Variants in WDHD1 observed in about 807,000 individuals in gnomAD.
WDHD1 encodes the protein WD repeat and HMG-box DNA binding protein 1, also known as WD repeat and HMG-box DNA-binding protein 1.
WDHD1 carries 111 observed loss-of-function variants against 135.4 expected under a neutral mutation model. The ratio of observed to expected loss-of-function variants is 0.82; its 90% CI spans 0.70 to 0.96. The LOEUF (loss-of-function observed/expected upper bound fraction) is 0.96. Ranked by LOEUF, WDHD1 falls within the 40% of genes least tolerant of loss-of-function variation. The pLI is 0.00. For synonymous variants in WDHD1, 434 were observed against 439.0 expected (o/e 0.99, Z 0.14); for missense variants, 1,351 against 1,336.3 (o/e 1.01, Z -0.17).
rs751142967 is a variant in WDHD1, at chr14:55,010,306, T to G, written c.341+3A>C. ...TTCCTTTTCTGATGTCAAAGAGCCT[T>G]ACCTAGATCCAGCAGCAATTTTAGT... On this transcript the variant is annotated splice_donor_region_variant and intron_variant, in intron 4 of 25. Coordinates refer to ENST00000360586, the MANE Select transcript of WDHD1 (RefSeq NM_007086.4). The G allele has an allele frequency of 6.3e-7, 1 of 1,595,452 alleles. No homozygotes were observed. Among genetic ancestry groups the G allele is most frequent in the Admixed American group, 1.8e-5 (1 of 55,642 alleles).
At chr14:54,963,386 T>G (rs1051481421) in intron 18 of WDHD1, among the ~76,000 whole-genome samples, 3 of 152,124 alleles carry the variant, frequency 2.0e-5, no homozygotes, top group Admixed American at 2.0e-4. Context: ...CATTTTTATG[T>G]CTCCATGGCT....
At chr14:54,977,262 G>C (rs193152154) in intron 16 of WDHD1, among the ~76,000 whole-genome samples, 1 of 152,118 alleles carries the variant, frequency 6.6e-6, no homozygotes, top group African/African-American at 2.4e-5. Context: ...GGGCTGCTGA[G>C]CTATTATAAA....
chr14:54,961,053 C>T (rs2041243733), intron 21 of WDHD1, among the ~76,000 whole-genome samples: 1 of 152,190 alleles, frequency 6.6e-6, no homozygotes, highest in East Asian at 1.9e-4. Flanking sequence ...GATCCTTCCA[C>T]CTTGGCCTCT....
At chr14:54,963,559 C>T (rs2041290940) in intron 18 of WDHD1, among the ~76,000 whole-genome samples, 1 of 152,092 alleles carries the variant, frequency 6.6e-6, no homozygotes, top group Non-Finnish European at 1.5e-5. Flanking sequence ...AATACCAGTG[C>T]TTTGGGAGGC....
At chr14:55,022,485 C>T (rs117314452) in intron 2 of WDHD1, among the ~76,000 whole-genome samples, 5,726 of 152,132 alleles carry the variant, frequency 0.038, 141 homozygotes, top group South Asian at 0.062. Flanking sequence ...ACCTGTTCAC[C>T]AGCCTGGCCA....
Position 54,984,706 on chromosome 14 carries a change from A to C in WDHD1, c.1906+17T>G. On this transcript the variant is annotated intron_variant, in intron 15 of 25. Coordinates refer to ENST00000360586, the MANE Select transcript of WDHD1 (RefSeq NM_007086.4). ...ACTTTATATTATACTTGTTTTTTTT[A>C]AACAAATTTATCTTGCCTTCAGCTG... 1 of 1,584,886 alleles carries C rather than the reference A, an allele frequency of 6.3e-7. No homozygotes were observed. The highest frequency in any genetic ancestry group is 8.5e-7 in the Non-Finnish European group (1 of 1,171,268).
At chr14:55,022,559 G>A (rs2042366570) in intron 2 of WDHD1, among the ~76,000 whole-genome samples, 1 of 152,030 alleles carries the variant, frequency 6.6e-6, no homozygotes, top group Non-Finnish European at 1.5e-5. Flanking sequence ...GTGTATGCCT[G>A]TAATCCCAGC....
At position 54,966,344 on chromosome 14, in the gene WDHD1, A is replaced by G. The variant is rs2041343818; in HGVS notation, c.2310+131T>C. On this transcript the variant is annotated intron_variant, in intron 18 of 25. Coordinates refer to ENST00000360586, the MANE Select transcript of WDHD1 (RefSeq NM_007086.4). ...AACGAGACTCCGTCGCACAAAAAAC[A>G]ACAACAACAACAAAAAAAAACTTAA... 2.5e-6 allele frequency: 3 copies of G among 1,211,452 alleles called. No individual in the cohort carries two copies. In the Admixed American group the frequency reaches 9.9e-5, roughly 40 times the overall value. The allele number at this position is 1,211,452 out of a possible 1,614,324, so 75.0% of individuals were successfully genotyped here.
At chr14:54,949,857 G>T (rs2041011043) in intron 24 of WDHD1, among the ~76,000 whole-genome samples, 1 of 152,182 alleles carries the variant, frequency 6.6e-6, no homozygotes, top group Non-Finnish European at 1.5e-5. Flanking sequence ...TTAAAGAAAA[G>T]AATTTTCAAC....
In WDHD1 at chr14:55,027,024, T is replaced by TC. The variant is rs1352513268; in HGVS notation, c.-17+3dup. 1 of 519,036 alleles carries TC rather than the reference T, an allele frequency of 1.9e-6. No homozygotes were observed. The highest frequency in any genetic ancestry group is 1.9e-5 in the African/African-American group (1 of 52,290). 32.2% of individuals were successfully genotyped at this position (519,036 alleles called of 1,614,324 possible). ...GGACGCGGGCAGCCGGAGTGGGGAC[T>TC]CACCCGGGTGACCGAGCCTCCGCCA... On this transcript the variant is annotated splice_donor_region_variant and intron_variant, in intron 1 of 25. Coordinates refer to ENST00000360586, the MANE Select transcript of WDHD1 (RefSeq NM_007086.4).
intron 15 of WDHD1, 67 bp downstream of exon 15, chr14:54,984,656 A>G (rs978890330): frequency 1.1e-5 from 14 of 1,289,784 alleles, no homozygotes; most frequent in Non-Finnish European, 1.3e-5. Context: ...CAATGAAATA[A>G]TTTTCTTCTT....
intron 24 of WDHD1, 142 bp downstream of exon 24, chr14:54,955,419 T>C (rs2041136294): frequency 3.1e-6 from 2 of 640,496 alleles, no homozygotes; most frequent in African/African-American, 1.9e-5. Context: ...GGCTTCCTTA[T>C]AGTCACAAGT....
intron 16 of WDHD1, among the ~76,000 whole-genome samples, chr14:54,979,852 C>T (rs1241571570): frequency 1.3e-5 from 2 of 152,154 alleles, no homozygotes; most frequent in Non-Finnish European, 2.9e-5. Context: ...AAAGCAAATA[C>T]AATTACATAT....
chr14:54,949,092 C>T (rs1357056961), intron 24 of WDHD1, among the ~76,000 whole-genome samples: 2 of 152,134 alleles, frequency 1.3e-5, no homozygotes, highest in African/African-American at 4.8e-5. Flanking sequence ...AAAATCAGAG[C>T]ACCTCTCCCC....
chr14:54,983,542 G>A (rs1421785473), intron 15 of WDHD1, among the ~76,000 whole-genome samples: 2 of 152,052 alleles, frequency 1.3e-5, no homozygotes, highest in African/African-American at 2.4e-5. Context: ...GTGTGGTGAC[G>A]CAAGCCTGTA....
At chr14:54,995,504 G>T in intron 11 of WDHD1, 99 bp downstream of exon 11, 2 of 967,670 alleles carry the variant, frequency 2.1e-6, no homozygotes, top group Non-Finnish European at 2.9e-6. Flanking sequence ...GCACCACTTA[G>T]CTACATTCTA....
At position 54,941,007 on chromosome 14, in the gene WDHD1, T is replaced by G. The variant is rs2140141803; in HGVS notation, c.*483A>C. 6.6e-6 allele frequency: 1 copy of G among 152,318 alleles called. No homozygotes were observed. Among genetic ancestry groups the G allele is most frequent in the East Asian group, 1.9e-4 (1 of 5,186 alleles). 9.4% of individuals were successfully genotyped at this position (152,318 alleles called of 1,614,324 possible). A position where few individuals can be genotyped will look rare whatever the true frequency, so the allele number is the denominator to read the frequency against. The stretch of plus-strand genomic sequence containing the variant: ...GAAAAAGTCTCACCTACAAGATTAT[T>G]TACATGTTTAGGGCCAGTATTATTA... On this transcript the variant is annotated 3_prime_UTR_variant, in exon 26 of 26. Transcript: ENST00000360586.
intron 10 of WDHD1, among the ~76,000 whole-genome samples, chr14:54,998,531 C>A (rs1250551936): frequency 6.6e-5 from 10 of 152,298 alleles, no homozygotes; most frequent in African/African-American, 2.4e-4. Context: ...ACAGTCCTCT[C>A]CACAGCCCCA....
chr14:55,000,903 G>T lies in WDHD1; in HGVS notation c.783C>A (p.Thr261=), dbSNP rs1481369901. ...NGLIIVWNVE[T]KDCMERVKHE... is the part of the protein sequence containing the mutation. ...AATCATACCTTTCCATGCAGTCTTT[G>T]GTTTCCACATTCCAAACTATGATTA... Residue 261 remains threonine, a synonymous_variant, in exon 9 of 26, where the codon ACC becomes ACA. Transcript: ENST00000360586. 6.3e-7 allele frequency: 1 copy of T among 1,581,322 alleles called. No homozygotes were observed. Among genetic ancestry groups the T allele is most frequent in the Non-Finnish European group, 8.6e-7 (1 of 1,165,556 alleles).
Sources: gnomAD v4.1 joint callset for allele counts (sites outside exome capture counted in the v4.1 genomes callset) on GRCh38, gnomAD v4.1.1 for gene constraint, MANE v1.5 for transcripts, NCBI Gene and HGNC (gene_info 2026-07-23, HGNC 2026-07-21) for gene names.